Variants in PATL2 observed in about 807,000 individuals in gnomAD.
PATL2 encodes protein PAT1 homolog 2.
PATL2 carries 73 observed loss-of-function variants against 77.0 expected under a neutral mutation model. The ratio of observed to expected loss-of-function variants is 0.95; its 90% confidence interval spans 0.78 to 1.15. The LOEUF (loss-of-function observed/expected upper bound fraction) is 1.15, where lower values mean the gene tolerates loss of function less well. Among genes scored for constraint, PATL2 ranks in the 50% most tolerant of loss-of-function variants. PATL2 has a pLI of 0.00. For synonymous variants in PATL2, 265 were observed against 257.1 expected, an observed-to-expected ratio of 1.03 and a Z score of -0.29; for missense variants, 618 against 655.4, an observed-to-expected ratio of 0.94 and a Z score of 0.62.
chr15:44,698,345 CTAATTA>C (rs1383923208), intron 3 of PATL2, among the ~76,000 whole-genome samples: 4 of 152,022 alleles, frequency 2.6e-5, no homozygotes, highest in African/African-American at 7.2e-5. Flanking sequence ...CTTATTCATT[CTAATTA>C]TATTTTTGTA....
chr15:44,694,014 A>G (rs1034154602), intron 3 of PATL2, among the ~76,000 whole-genome samples: 1 of 152,216 alleles, frequency 6.6e-6, no homozygotes, highest in Non-Finnish European at 1.5e-5. Flanking sequence ...AAAAATGTCA[A>G]TAATTAGAAG....
intron 3 of PATL2, among the ~76,000 whole-genome samples, chr15:44,689,666 A>C (rs1428376383): frequency 1.3e-5 from 2 of 152,050 alleles, no homozygotes; most frequent in African/African-American, 4.8e-5. Flanking sequence ...AACAATGAGA[A>C]CACATGGACA....
At chr15:44,692,429 T>A (rs1566865947) in intron 3 of PATL2, among the ~76,000 whole-genome samples, 1 of 152,186 alleles carries the variant, frequency 6.6e-6, no homozygotes. Flanking sequence ...ACCAGCTCTG[T>A]TGGTACCTGC....
intron 9 of PATL2, 95 bp downstream of exon 9, chr15:44,671,920 A>C: frequency 7.0e-7 from 1 of 1,436,198 alleles, no homozygotes; most frequent in Non-Finnish European, 9.4e-7. Flanking sequence ...AACAGACATG[A>C]CCTCTATGAG....
chr15:44,673,446 G>A lies in PATL2; in HGVS notation c.304-69C>T, dbSNP rs1032498047. 1.1e-5 allele frequency: 16 copies of A among 1,522,788 alleles called. No individual in the cohort carries two copies. The Admixed American group carries it at 3.2e-4, about 30-fold the overall frequency. The allele number at this position is 1,522,788 out of a possible 1,614,324, so 94.3% of individuals were successfully genotyped here. A position where few individuals can be genotyped will look rare whatever the true frequency, so the allele number is the denominator to read the frequency against. Reference sequence around the variant, plus strand: ...AAAAGAATGCTGCTCTTGTTGTGAGGGCTCAGTTCCTTTCCTACCTTTTCC... The same window carrying A: ...AAAAGAATGCTGCTCTTGTTGTGAGAGCTCAGTTCCTTTCCTACCTTTTCC... On this transcript the variant is annotated intron_variant, in intron 6 of 17. Coordinates refer to ENST00000682850, the MANE Select transcript of PATL2 (RefSeq NM_001387263.1).
In PATL2 at chr15:44,673,646, C is replaced by G. The variant is rs78539076; in HGVS notation, c.304-269G>C. Among the ~76,000 whole-genome samples the G allele has an allele frequency of 6.3e-3, 959 of 152,290 alleles. 8 individuals carry two copies. Among genetic ancestry groups the G allele is most frequent in the African/African-American group, 0.021 (885 of 41,560 alleles). On this transcript the variant is annotated intron_variant, in intron 6 of 17. Transcript: ENST00000682850. Reference sequence around the variant, plus strand: ...CCTACCATTTGGAAAGTCAACACTTCTCACCCTCCTCTCTATAATAGTCTT... The same window carrying G: ...CCTACCATTTGGAAAGTCAACACTTGTCACCCTCCTCTCTATAATAGTCTT...
rs755503160 is a variant in PATL2, at chr15:44,673,214, G to A, written c.446+21C>T. 5.2e-6 allele frequency: 8 copies of A among 1,550,338 alleles called. No individual in the cohort carries two copies. In the South Asian group the frequency reaches 9.5e-5, roughly 18 times the overall value. On this transcript the variant is annotated intron_variant, in intron 7 of 17. Coordinates refer to ENST00000682850, the MANE Select transcript of PATL2 (RefSeq NM_001387263.1). The stretch of plus-strand genomic sequence containing the variant: ...CAGCCAGCACCTCCTGAGACCTCTG[G>A]GGAGAACCTCAAACCAGTACCTGAA...
chr15:44,667,830 C>T (rs191168361), intron 15 of PATL2, among the ~76,000 whole-genome samples: 68 of 152,222 alleles, frequency 4.5e-4, no homozygotes, highest in African/African-American at 1.6e-3. Context: ...GTAATCCCAG[C>T]TACTTGGGAG....
chr15:44,669,807 A>G lies in PATL2; in HGVS notation c.846T>C (p.Ile282=), dbSNP rs751509347. ...CTTGAGTTCCATGGGGTACCGCATC[A>G]ATAGCTCGGCGAGGGCTGAAGCATG... ...VSTCFSPRRA[I]DAVPHGTQEQ... The change falls in exon 11 of 18, where the codon ATT becomes ATC. Residue 282 remains isoleucine (I), a synonymous_variant. Transcript: ENST00000682850. The G allele has an allele frequency of 4.5e-6, 7 of 1,551,712 alleles. No homozygotes were observed. The South Asian group carries it at 8.3e-5, about 18-fold the overall frequency.
At chr15:44,668,936 C>T (rs1247840399) in intron 14 of PATL2, 44 bp downstream of exon 14, 1 of 1,486,150 alleles carries the variant, frequency 6.7e-7, no homozygotes, top group Admixed American at 2.3e-5. Flanking sequence ...TGACCCCTAA[C>T]CTATTCAGGA....
At chr15:44,691,800 A>T (rs2086398982) in intron 3 of PATL2, among the ~76,000 whole-genome samples, 1 of 152,182 alleles carries the variant, frequency 6.6e-6, no homozygotes, top group South Asian at 2.1e-4. Flanking sequence ...TGTCTCAAAT[A>T]AATAGATAAA....
chr15:44,687,083 C>G (rs1595980325), intron 3 of PATL2, among the ~76,000 whole-genome samples: 1 of 152,124 alleles, frequency 6.6e-6, no homozygotes. Context: ...ATACCAAAAC[C>G]TGGCAGAGAC....
intron 16 of PATL2, 94 bp downstream of exon 16, chr15:44,667,012 A>G (rs1005027753): frequency 3.1e-6 from 3 of 972,450 alleles, no homozygotes; most frequent in African/African-American, 3.3e-5. Context: ...CCTCTTCCTC[A>G]GTACTTGAAA....
chr15:44,687,727 G>C (rs1044910167), intron 3 of PATL2, among the ~76,000 whole-genome samples: 1 of 152,156 alleles, frequency 6.6e-6, no homozygotes, highest in African/African-American at 2.4e-5. Context: ...CAAAATCAAT[G>C]TGCAAAAATC....
intron 3 of PATL2, among the ~76,000 whole-genome samples, chr15:44,704,559 C>T (rs917287877): frequency 6.6e-6 from 1 of 152,098 alleles, no homozygotes; most frequent in African/African-American, 2.4e-5. Flanking sequence ...ATTGTACTGT[C>T]TATGTCTTGA....
intron 9 of PATL2, 47 bp from the exon 10 acceptor site, chr15:44,670,134 T>C: frequency 2.0e-6 from 3 of 1,538,102 alleles, no homozygotes; most frequent in Non-Finnish European, 2.6e-6. Flanking sequence ...CACCTTATAT[T>C]CATCTTTTGA....
At chr15:44,709,781 A>C (rs1370751125) in intron 3 of PATL2, among the ~76,000 whole-genome samples, 1 of 152,180 alleles carries the variant, frequency 6.6e-6, no homozygotes, top group East Asian at 1.9e-4. Context: ...AGTAAATCAG[A>C]ATCTATCTGT....
chr15:44,708,883 T>C (rs1230409836), intron 3 of PATL2, among the ~76,000 whole-genome samples: 1 of 152,188 alleles, frequency 6.6e-6, no homozygotes, highest in African/African-American at 2.4e-5. Flanking sequence ...TATAAAGAGC[T>C]GTCGAAGTGT....
intron 3 of PATL2, among the ~76,000 whole-genome samples, chr15:44,691,616 G>C (rs1004275762): frequency 1.3e-5 from 2 of 150,148 alleles, no homozygotes; most frequent in African/African-American, 4.9e-5. Context: ...TGAGATCACA[G>C]CACCACTGCA....
Sources: allele counts gnomAD v4.1 joint callset (sites outside exome capture counted in the v4.1 genomes callset), GRCh38; gene constraint gnomAD v4.1.1; transcripts MANE v1.5; gene names NCBI Gene and HGNC (gene_info 2026-07-23, HGNC 2026-07-21).